PDS5B: variants seen among roughly 807,000 people sequenced by gnomAD.
PDS5B encodes sister chromatid cohesion protein PDS5 homolog B.
PDS5B carries 51 observed loss-of-function variants against 184.1 expected under a neutral mutation model. The ratio of observed to expected loss-of-function variants is 0.28; its 90% CI spans 0.22 to 0.35. PDS5B has a LOEUF of 0.35. PDS5B is among the 10% of genes least tolerant of loss of function. The pLI is 1.00. For missense variants in PDS5B, 1,180 were observed against 1,723.3 expected, an observed-to-expected ratio of 0.68 and a Z score of 5.58; for synonymous variants, 566 against 569.2, an observed-to-expected ratio of 0.99 and a Z score of 0.08.
chr13:32,775,615 C>T lies in PDS5B; in HGVS notation c.*563C>T. On this transcript the variant is annotated 3_prime_UTR_variant, in exon 35 of 35. Transcript: ENST00000315596. Reference sequence around the variant, plus strand: ...TTTACTCCTGGGCACCCTTAATCTTCAGAGGTGCTAAATTGTCTGCCATTA... The same window carrying T: ...TTTACTCCTGGGCACCCTTAATCTTTAGAGGTGCTAAATTGTCTGCCATTA... The T allele has an allele frequency of 2.2e-6, 1 of 455,896 alleles. No individual in the cohort carries two copies. Among genetic ancestry groups the T allele is most frequent in the South Asian group, 1.6e-5 (1 of 64,434 alleles). The allele number at this position is 455,896 out of a possible 1,614,324, so 28.2% of individuals were successfully genotyped here.
intron 6 of PDS5B, 126 bp from the exon 7 acceptor site, chr13:32,667,638 C>G: frequency 1.7e-6 from 1 of 595,056 alleles, no homozygotes; most frequent in South Asian, 2.5e-5. Flanking sequence ...GTTTTGCCTT[C>G]TCTCTTTTAT....
intron 1 of PDS5B, among the ~76,000 whole-genome samples, chr13:32,612,374 G>GT (rs930736806): frequency 6.6e-6 from 1 of 151,918 alleles, no homozygotes; most frequent in African/African-American, 2.4e-5. Flanking sequence ...GGCCCACATT[G>GT]TTTTTTTAAG....
intron 23 of PDS5B, among the ~76,000 whole-genome samples, chr13:32,745,350 C>G (rs751988643): frequency 1.2e-4 from 18 of 152,164 alleles, no homozygotes; most frequent in South Asian, 2.1e-4. Flanking sequence ...AGACAGATTT[C>G]TTCTACGCTT....
rs553280191 is a variant in PDS5B, at chr13:32,619,777, A to G, written c.-19-28977A>G. On this transcript the variant is annotated intron_variant, in intron 1 of 34. Transcript: ENST00000315596. ...CAAAATGTAATAATTTTCTCCACATAGGTCTGAGACATCTTTGGTTAAACA... is the reference window on the plus strand; with the variant it reads ...CAAAATGTAATAATTTTCTCCACATGGGTCTGAGACATCTTTGGTTAAACA... 1.8e-3 allele frequency among the ~76,000 whole-genome samples: 272 copies of G among 152,294 alleles called. 2 individuals carry two copies. The highest frequency in any genetic ancestry group is 6.3e-3 in the African/African-American group (263 of 41,554).
chr13:32,598,624 C>G (rs1593237549), intron 1 of PDS5B, among the ~76,000 whole-genome samples: 1 of 152,010 alleles, frequency 6.6e-6, no homozygotes, highest in Admixed American at 6.6e-5. Context: ...GCACATGCCA[C>G]CAAGAATTTC....
intron 1 of PDS5B, among the ~76,000 whole-genome samples, chr13:32,622,767 T>G (rs1163916170): frequency 6.6e-6 from 1 of 152,218 alleles, no homozygotes; most frequent in African/African-American, 2.4e-5. Flanking sequence ...TTGTGATGGC[T>G]TCTGTATGTG....
intron 1 of PDS5B, among the ~76,000 whole-genome samples, chr13:32,620,486 C>T (rs1383877005): frequency 6.6e-6 from 1 of 151,994 alleles, no homozygotes; most frequent in Non-Finnish European, 1.5e-5. Context: ...AACCCCATCT[C>T]TACTAAAAAT....
Position 32,675,827 on chromosome 13 carries a change from A to C in PDS5B, c.847-17A>C. The stretch of plus-strand genomic sequence containing the variant: ...TCTACTGCATGGTTTTAAAGCTGTG[A>C]TTGTGTTTTATTTTAGAGCAATGAT... On this transcript the variant is annotated splice_polypyrimidine_tract_variant and intron_variant, in intron 8 of 34. Transcript: ENST00000315596. 4 of 1,462,954 alleles carry C rather than the reference A, an allele frequency of 2.7e-6. No individual in the cohort carries two copies. The highest frequency in any genetic ancestry group is 3.8e-6 in the Non-Finnish European group (4 of 1,042,800). The allele number at this position is 1,462,954 out of a possible 1,614,324, so 90.6% of individuals were successfully genotyped here. A position where few individuals can be genotyped will look rare whatever the true frequency, so the allele number is the denominator to read the frequency against.
intron 6 of PDS5B, among the ~76,000 whole-genome samples, chr13:32,661,915 A>G (rs948761196): frequency 2.0e-5 from 3 of 152,168 alleles, no homozygotes; most frequent in Admixed American, 2.0e-4. Context: ...TCCTGGGATG[A>G]TCAGGAGTAT....
chr13:32,685,981 G>A (rs556472151), intron 11 of PDS5B, among the ~76,000 whole-genome samples: 1 of 152,252 alleles, frequency 6.6e-6, no homozygotes, highest in Non-Finnish European at 1.5e-5. Flanking sequence ...ATTTCAATAT[G>A]TAGTTGGTGG....
At chr13:32,669,282 T>C (rs1950873757) in intron 7 of PDS5B, among the ~76,000 whole-genome samples, 1 of 152,084 alleles carries the variant, frequency 6.6e-6, no homozygotes, top group Non-Finnish European at 1.5e-5. Flanking sequence ...AGCCAGTTTT[T>C]TTTTTTCTTT....
At chr13:32,723,068 A>T (rs1053041957) in intron 19 of PDS5B, among the ~76,000 whole-genome samples, 1 of 152,220 alleles carries the variant, frequency 6.6e-6, no homozygotes, top group African/African-American at 2.4e-5. Context: ...AAAAATTTTT[A>T]AATCTAAAAT....
At chr13:32,665,189 T>C (rs188729052) in intron 6 of PDS5B, among the ~76,000 whole-genome samples, 8 of 152,288 alleles carry the variant, frequency 5.3e-5, no homozygotes, top group Admixed American at 4.6e-4. Flanking sequence ...TTAGCACTTA[T>C]ATGGAAAATA....
chr13:32,679,594 C>CCA (rs1951173601), intron 10 of PDS5B, among the ~76,000 whole-genome samples: 1 of 151,910 alleles, frequency 6.6e-6, no homozygotes, highest in Non-Finnish European at 1.5e-5. Flanking sequence ...TGAGATTGTG[C>CCA]CATTGCACTC....
intron 1 of PDS5B, among the ~76,000 whole-genome samples, chr13:32,630,555 A>G (rs1460557828): frequency 6.6e-6 from 1 of 152,180 alleles, no homozygotes; most frequent in East Asian, 1.9e-4. Flanking sequence ...GAAGTGATGA[A>G]TGGGATTTCT....
In PDS5B at chr13:32,775,534, G is replaced by A; in HGVS notation, c.*482G>A. 1 of 370,438 alleles carries A rather than the reference G, an allele frequency of 2.7e-6. No homozygotes were observed. The highest frequency in any genetic ancestry group is 8.1e-5 in the East Asian group (1 of 12,280). The allele number at this position is 370,438 out of a possible 1,614,324, so 22.9% of individuals were successfully genotyped here. ...CAACAATTGGTGTCATTTTCTTGAT[G>A]TCACTATTTGTTGGAGAGTTAAATG... On this transcript the variant is annotated 3_prime_UTR_variant, in exon 35 of 35. Transcript: ENST00000315596.
chr13:32,623,097 A>C (rs139103982), intron 1 of PDS5B, among the ~76,000 whole-genome samples: 12 of 152,148 alleles, frequency 7.9e-5, no homozygotes, highest in Non-Finnish European at 1.3e-4. Flanking sequence ...TCGTGTGCTG[A>C]ATCAGTTCCT....
chr13:32,674,824 C>G (rs1951023891), intron 8 of PDS5B, among the ~76,000 whole-genome samples: 1 of 151,978 alleles, frequency 6.6e-6, no homozygotes, highest in East Asian at 1.9e-4. Flanking sequence ...TAAATCACTC[C>G]TGGCTGCATA....
At chr13:32,655,375 T>TATATA (rs1555296358) in intron 3 of PDS5B, among the ~76,000 whole-genome samples, 13 of 50,920 alleles carry the variant, frequency 2.6e-4, no homozygotes, top group East Asian at 2.8e-3. Flanking sequence ...TATATATATA[T>TATATA]TTTTTTTTTT....
Sources: gnomAD v4.1 joint callset for allele counts (sites outside exome capture counted in the v4.1 genomes callset) on GRCh38, gnomAD v4.1.1 for gene constraint, MANE v1.5 for transcripts, NCBI Gene and HGNC (gene_info 2026-07-23, HGNC 2026-07-21) for gene names.